TJP1: variants seen among roughly 807,000 people sequenced by gnomAD.
The protein encoded by TJP1 is tight junction protein 1, also known as tight junction protein ZO-1.
Under a neutral mutation model 194.2 loss-of-function variants are expected in TJP1, and 43 were observed. That is an observed-to-expected ratio of 0.22 (90% CI 0.17 to 0.29). TJP1 has a LOEUF of 0.29. Ranked by LOEUF, TJP1 falls within the 10% of genes least tolerant of loss-of-function variation. The probability of loss-of-function intolerance (pLI) is 1.00; values close to 1 mark genes in which losing one functional copy is unlikely to be tolerated. For missense variants in TJP1, 1,971 were observed against 2,185.7 expected (o/e 0.90, Z 1.96); for synonymous variants, 801 against 779.0 (o/e 1.03, Z -0.47).
In TJP1 at chr15:29,716,620, T is replaced by C; in HGVS notation, c.4193A>G (p.Tyr1398Cys). 4 of 1,611,888 alleles carry C rather than the reference T, an allele frequency of 2.5e-6. No individual in the cohort carries two copies. Among genetic ancestry groups the C allele is most frequent in the South Asian group, 1.1e-5 (1 of 90,948 alleles). ...AGGTGAAATAGCTTACTTTGAAGAA[T>C]AACTAGAAAAATTTGATTGATTCTG... ...HSQNQSNFSS[Y>C]SSKGKPPEAD... Residue 1398 changes from tyrosine to cysteine, a missense_variant, in exon 23 of 28, where the codon TAT (tyrosine) becomes TGT (cysteine). Physicochemically the swap from Tyr to Cys is radical, Grantham distance 194 (BLOSUM62 -2). Transcript: ENST00000614355.
intron 2 of TJP1, among the ~76,000 whole-genome samples, chr15:29,876,701 T>G (rs56250928): frequency 7.2e-5 from 11 of 152,210 alleles, no homozygotes; most frequent in Admixed American, 4.6e-4. Context: ...TTGGTTCATA[T>G]AGAATAGTTT....
At chr15:29,877,752 AG>A (rs1567158756) in intron 2 of TJP1, among the ~76,000 whole-genome samples, 1 of 151,282 alleles carries the variant, frequency 6.6e-6, no homozygotes, top group Non-Finnish European at 1.5e-5. Flanking sequence ...TCCGCCTCCC[AG>A]GGTCAAGCCA....
At chr15:29,834,763 G>A (rs2050968350) in intron 2 of TJP1, among the ~76,000 whole-genome samples, 1 of 152,140 alleles carries the variant, frequency 6.6e-6, no homozygotes, top group Non-Finnish European at 1.5e-5. Context: ...TTCAAGTGCA[G>A]CAAAAACCGG....
intron 2 of TJP1, among the ~76,000 whole-genome samples, chr15:29,793,135 C>T (rs538004120): frequency 7.2e-5 from 11 of 152,294 alleles, no homozygotes; most frequent in Middle Eastern, 3.4e-3. Context: ...CTAGGACTTC[C>T]AGTACCACGT....
downstream of TJP1, chr15:29,700,052 G>A: frequency 2.7e-6 from 1 of 374,124 alleles, no homozygotes; most frequent in Non-Finnish European, 4.7e-6. Flanking sequence ...CGAGGTGGTA[G>A]GTGACGCTGG....
chr15:29,823,775 C>T (rs537089979), upstream of TJP1: 3 of 152,062 alleles, frequency 2.0e-5, no homozygotes, highest in Non-Finnish European at 2.9e-5. Flanking sequence ...TGCTTTTGGA[C>T]AAAGTATTAT....
chr15:29,805,908 T>C (rs996689781), intron 1 of TJP1, among the ~76,000 whole-genome samples: 1 of 152,132 alleles, frequency 6.6e-6, no homozygotes, highest in Non-Finnish European at 1.5e-5. Context: ...GTCAGCAAGA[T>C]TGTGTGATGC....
chr15:29,878,652 A>G (rs553724742), intron 2 of TJP1, among the ~76,000 whole-genome samples: 1 of 152,210 alleles, frequency 6.6e-6, no homozygotes, highest in East Asian at 1.9e-4. Context: ...TGTCTCTACA[A>G]TTTTAGTTTC....
At position 29,773,263 on chromosome 15, in the gene TJP1, A is replaced by G; in HGVS notation, c.179T>C (p.Leu60Pro). Residue 60 changes from leucine (L) to proline (P), a missense_variant, in exon 3 of 28, where the codon CTG (leucine) becomes CCG (proline). Coordinates refer to ENST00000614355, the MANE Select transcript of TJP1 (RefSeq NM_001330239.4). ...CTGTCCTTCAGCTGGTCCTCCTTTC[A>G]GCACATCTGAAATCACTATTGACGT... ...GETSIVISDV[L>P]KGGPAEGQLQ... is the part of the protein sequence containing the mutation. The G allele has an allele frequency of 6.2e-7, 1 of 1,614,040 alleles. No individual in the cohort carries two copies. The highest frequency in any genetic ancestry group is 8.5e-7 in the Non-Finnish European group (1 of 1,179,936).
In TJP1 at chr15:29,930,796, A is replaced by G. The variant is rs189203058; in HGVS notation, c.306+25436T>C. Among the ~76,000 whole-genome samples the G allele has an allele frequency of 2.0e-5, 3 of 152,336 alleles. No homozygotes were observed. The East Asian group carries it at 5.8e-4, about 29-fold the overall frequency. On this transcript the variant is annotated intron_variant, in intron 2 of 28. Coordinates refer to the TJP1 transcript ENST00000356107. ...AAGAGGCAAGTCTGTCATAATGTGC[A>G]GAGAATAGGAAAGTCTACACAGAAT...
intron 2 of TJP1, among the ~76,000 whole-genome samples, chr15:29,783,204 G>A (rs2047483337): frequency 6.6e-6 from 1 of 152,148 alleles, no homozygotes. Flanking sequence ...AACCCGGGAG[G>A]CAGAGGTTGC....
intron 8 of TJP1, among the ~76,000 whole-genome samples, chr15:29,747,248 G>A (rs1310428691): frequency 6.6e-6 from 1 of 152,124 alleles, no homozygotes; most frequent in Non-Finnish European, 1.5e-5. Context: ...TTGCGCCACT[G>A]CACTCCAGCC....
At chr15:29,911,111 A>C (rs1176485382) in intron 2 of TJP1, among the ~76,000 whole-genome samples, 1 of 152,286 alleles carries the variant, frequency 6.6e-6, no homozygotes, top group Non-Finnish European at 1.5e-5. Context: ...TCTACAATAC[A>C]TTTACCTGCA....
chr15:29,724,662 T>C (rs966365864), intron 18 of TJP1, among the ~76,000 whole-genome samples: 2 of 152,186 alleles, frequency 1.3e-5, no homozygotes, highest in African/African-American at 4.8e-5. Context: ...TCAAAGTAGT[T>C]GGTTCAGGAA....
intron 2 of TJP1, among the ~76,000 whole-genome samples, chr15:29,950,072 T>A (rs199588181): frequency 9.1e-4 from 9 of 9,874 alleles, no homozygotes; most frequent in African/African-American, 1.2e-3. Context: ...CACCACCACC[T>A]CCACCACCAC....
At chr15:29,772,959 G>C (rs571007321) in intron 3 of TJP1, among the ~76,000 whole-genome samples, 1 of 152,194 alleles carries the variant, frequency 6.6e-6, no homozygotes, top group South Asian at 2.1e-4. Flanking sequence ...TAGAGATGGG[G>C]ATCTCACTGC....
rs764953355 is a variant in TJP1, at chr15:29,719,940, T to G, written c.2840A>C (p.His947Pro). The change falls in exon 20 of 28, where the codon CAT becomes CCT. Residue 947 changes from histidine to proline, a missense_variant. Coordinates refer to ENST00000614355, the MANE Select transcript of TJP1 (RefSeq NM_001330239.4). ...TCTGACATTAGTTAAATTTACATTA[T>G]GATTAACAGCAGAGGTTGATGATGC... Reference protein sequence around the residue: ...NPASSTSAVNHNVNLTNVRLE... With the variant: ...NPASSTSAVNPNVNLTNVRLE... 23 of 1,614,054 alleles carry G rather than the reference T, an allele frequency of 1.4e-5. No individual in the cohort carries two copies. The Admixed American group carries it at 2.5e-4, about 18-fold the overall frequency.
chr15:29,960,887 A>G (rs564767078), intron 1 of TJP1, among the ~76,000 whole-genome samples: 2 of 152,320 alleles, frequency 1.3e-5, no homozygotes, highest in East Asian at 3.9e-4. Flanking sequence ...TAAAGAAAAG[A>G]AAAAACACTG....
chr15:29,796,903 C>T (rs377183960), intron 2 of TJP1, among the ~76,000 whole-genome samples: 50 of 151,568 alleles, frequency 3.3e-4, no homozygotes, highest in African/African-American at 1.1e-3. Flanking sequence ...GGCAATTAAA[C>T]GGACAAAGTA....
Sources: gnomAD v4.1 joint callset for allele counts (sites outside exome capture counted in the v4.1 genomes callset) on GRCh38, gnomAD v4.1.1 for gene constraint, MANE v1.5 for transcripts, NCBI Gene and HGNC (gene_info 2026-07-23, HGNC 2026-07-21) for gene names.